Variants in RPH3A observed in about 807,000 individuals in gnomAD.
RPH3A encodes the protein rabphilin 3A, also known as rabphilin-3A.
RPH3A carries 48 observed loss-of-function variants against 102.2 expected under a neutral mutation model. That is an observed-to-expected ratio of 0.47 (90% confidence interval 0.37 to 0.60). The LOEUF is 0.60. Among genes scored for constraint, RPH3A ranks in the 20% least tolerant of loss-of-function variants. RPH3A has a pLI of 0.00. For missense variants in RPH3A, 781 were observed against 910.1 expected, an observed-to-expected ratio of 0.86 and a Z score of 1.83; for synonymous variants, 310 against 324.3, an observed-to-expected ratio of 0.96 and a Z score of 0.47.
At chr12:112,780,602 C>T (rs1169019745) in intron 1 of RPH3A, among the ~76,000 whole-genome samples, 1 of 152,190 alleles carries the variant, frequency 6.6e-6, no homozygotes, top group African/African-American at 2.4e-5. Flanking sequence ...ATTCAACAGG[C>T]ATTTGTTGAA....
intron 1 of RPH3A, among the ~76,000 whole-genome samples, chr12:112,776,690 T>C (rs942908365): frequency 1.3e-5 from 2 of 151,660 alleles, no homozygotes; most frequent in African/African-American, 2.4e-5. Flanking sequence ...CTGGCTAACA[T>C]GGTGAAACCC....
rs554901936 is a variant in RPH3A, at chr12:112,646,283, C to T, written c.-140+70964C>T. Among the ~76,000 whole-genome samples, 3 of 152,298 alleles carry T rather than the reference C, an allele frequency of 2.0e-5. No individual in the cohort carries two copies. The East Asian group carries it at 5.8e-4, about 29-fold the overall frequency. ...CAACTTCACCAAGACCAACGTTCTT[C>T]TTATAATTCTCCTTTGTCATCTTAA... is the stretch of plus-strand genomic sequence containing the variant. On this transcript the variant is annotated intron_variant, in intron 1 of 21. Coordinates refer to the RPH3A transcript ENST00000543106.
At chr12:112,817,648 T>C (rs546685923) in intron 2 of RPH3A, among the ~76,000 whole-genome samples, 2 of 152,158 alleles carry the variant, frequency 1.3e-5, no homozygotes, top group Admixed American at 1.3e-4. Context: ...TCTCTCATCC[T>C]GACTTTTAAT....
At chr12:112,727,235 C>T (rs2040596934) in intron 1 of RPH3A, among the ~76,000 whole-genome samples, 1 of 150,178 alleles carries the variant, frequency 6.7e-6, no homozygotes, top group African/African-American at 2.4e-5. Flanking sequence ...TTTTATCAAT[C>T]CCACGTGCTG....
intron 2 of RPH3A, among the ~76,000 whole-genome samples, chr12:112,820,380 C>T (rs2041756631): frequency 6.6e-6 from 1 of 152,212 alleles, no homozygotes; most frequent in Admixed American, 6.5e-5. Context: ...TTCTTCACAA[C>T]AATCCTGGAG....
intron 1 of RPH3A, among the ~76,000 whole-genome samples, chr12:112,643,317 T>A (rs1212820526): frequency 6.6e-6 from 1 of 152,194 alleles, no homozygotes; most frequent in Non-Finnish European, 1.5e-5. Flanking sequence ...ATTCATTACT[T>A]CCATCCCTCC....
intron 1 of RPH3A, among the ~76,000 whole-genome samples, chr12:112,634,646 G>T (rs1182464107): frequency 1.3e-5 from 2 of 151,842 alleles, no homozygotes; most frequent in Non-Finnish European, 2.9e-5. Context: ...CTCCTTAAAT[G>T]CAGGATGTTG....
chr12:112,588,524 C>T (rs967730556), intron 1 of RPH3A, among the ~76,000 whole-genome samples: 8 of 152,190 alleles, frequency 5.3e-5, no homozygotes, highest in South Asian at 2.1e-4. Context: ...GTCCCTCCCA[C>T]GACATGTGGG....
intron 1 of RPH3A, among the ~76,000 whole-genome samples, chr12:112,576,883 GTTC>G (rs2039363244): frequency 7.6e-6 from 1 of 131,346 alleles, no homozygotes; most frequent in South Asian, 2.7e-4. Flanking sequence ...CAATAGAAAT[GTTC>G]TTTTCTTTTT....
intron 3 of RPH3A, chr12:112,831,802 G>T (rs1455521980): frequency 2.2e-6 from 1 of 455,932 alleles, no homozygotes; most frequent in Non-Finnish European, 4.4e-6. Context: ...TGTCTGTTAA[G>T]AGTCTTAAGC....
intron 1 of RPH3A, among the ~76,000 whole-genome samples, chr12:112,703,031 T>A (rs1203471406): frequency 6.6e-6 from 1 of 152,170 alleles, no homozygotes; most frequent in Non-Finnish European, 1.5e-5. Context: ...AGCAAGGATG[T>A]GCCAGTTCTG....
chr12:112,632,926 C>T (rs1229408175), intron 1 of RPH3A, among the ~76,000 whole-genome samples: 5 of 152,052 alleles, frequency 3.3e-5, no homozygotes, highest in African/African-American at 1.2e-4. Flanking sequence ...GGTGTGGTGG[C>T]TCATGCCTGT....
At chr12:112,635,349 G>A (rs1237250373) in intron 1 of RPH3A, among the ~76,000 whole-genome samples, 3 of 152,068 alleles carry the variant, frequency 2.0e-5, no homozygotes, top group Non-Finnish European at 4.4e-5. Context: ...AGCATGCCTG[G>A]GTTTGAATCT....
chr12:112,685,141 T>C (rs1447189876), intron 1 of RPH3A, among the ~76,000 whole-genome samples: 1 of 152,190 alleles, frequency 6.6e-6, no homozygotes, highest in Non-Finnish European at 1.5e-5. Flanking sequence ...CTCACTATGT[T>C]GCCCAGGCTG....
At chr12:112,872,290 C>G (rs1215522103) in intron 10 of RPH3A, among the ~76,000 whole-genome samples, 1 of 152,110 alleles carries the variant, frequency 6.6e-6, no homozygotes, top group Non-Finnish European at 1.5e-5. Flanking sequence ...ACTTGCATTT[C>G]CCTATGATTA....
rs1033219884 is a variant in RPH3A at position 112,658,600 on chromosome 12, G to A, written c.-140+83281G>A. On this transcript the variant is annotated intron_variant, in intron 1 of 21. Coordinates refer to the RPH3A transcript ENST00000543106. ...TACAATGATCTGGGTGAGAGAAGAC[G>A]ATGCCTCCTTCCAGGGTGTCAGCTG... Among the ~76,000 whole-genome samples, 5 of 152,230 alleles carry A rather than the reference G, an allele frequency of 3.3e-5. No individual in the cohort carries two copies. The South Asian group carries it at 6.2e-4, about 19-fold the overall frequency.
At chr12:112,860,140 T>G (rs2042482437) in intron 5 of RPH3A, among the ~76,000 whole-genome samples, 1 of 152,238 alleles carries the variant, frequency 6.6e-6, no homozygotes, top group Non-Finnish European at 1.5e-5. Flanking sequence ...CTTGGCTTTT[T>G]GCAAAGTTTT....
intron 1 of RPH3A, among the ~76,000 whole-genome samples, chr12:112,717,267 A>G (rs1424150767): frequency 6.6e-6 from 1 of 152,134 alleles, no homozygotes; most frequent in Admixed American, 6.5e-5. Flanking sequence ...ACCTCAATCA[A>G]GATACAGAAC....
At chr12:112,693,466 C>T (rs2040322707) in intron 1 of RPH3A, among the ~76,000 whole-genome samples, 1 of 152,218 alleles carries the variant, frequency 6.6e-6, no homozygotes, top group South Asian at 2.1e-4. Flanking sequence ...CATCCTTGCA[C>T]TTGGGATAAG....
Sources: gnomAD v4.1 joint callset for allele counts (sites outside exome capture counted in the v4.1 genomes callset) on GRCh38, gnomAD v4.1.1 for gene constraint, MANE v1.5 for transcripts, NCBI Gene and HGNC (gene_info 2026-07-23, HGNC 2026-07-21) for gene names.